The following IMMP2L variants were observed in gnomAD, a reference collection of about 807,000 sequenced individuals.
The protein encoded by IMMP2L is mitochondrial inner membrane protease subunit 2.
In IMMP2L, 18 loss-of-function variants were observed where a neutral mutation model predicts 19.3. The ratio of observed to expected loss-of-function variants is 0.93; its 90% CI spans 0.64 to 1.38. IMMP2L has a LOEUF of 1.38. IMMP2L is among the 40% of genes most tolerant of loss of function. The pLI is 0.00. For synonymous variants in IMMP2L, 76 were observed against 73.0 expected (o/e 1.04, Z -0.21); for missense variants, 233 against 218.2 (o/e 1.07, Z -0.43).
intron 3 of IMMP2L, among the ~76,000 whole-genome samples, chr7:111,278,006 C>T (rs1345939754): frequency 6.6e-6 from 1 of 152,060 alleles, no homozygotes; most frequent in East Asian, 1.9e-4. Flanking sequence ...CATGTTCTCA[C>T]TTATAAGTGG....
At chr7:111,016,731 ATATATATAT>A (rs1825638258) in intron 3 of IMMP2L, among the ~76,000 whole-genome samples, 1 of 98,154 alleles carries the variant, frequency 1.0e-5, no homozygotes, top group South Asian at 2.9e-4. Context: ...TATATATAAA[ATATATATAT>A]TATATATATT....
intron 3 of IMMP2L, among the ~76,000 whole-genome samples, chr7:111,039,331 A>G (rs1438147042): frequency 6.6e-6 from 1 of 152,206 alleles, no homozygotes; most frequent in Admixed American, 6.5e-5. Flanking sequence ...AGGGAGTCAA[A>G]AACATGTTCA....
intron 3 of IMMP2L, among the ~76,000 whole-genome samples, chr7:111,309,159 C>T (rs1823218400): frequency 6.6e-6 from 1 of 152,042 alleles, no homozygotes; most frequent in Non-Finnish European, 1.5e-5. Context: ...AATAAGAAGA[C>T]ATTATTTCAC....
chr7:111,552,281 T>TTTTTG (rs909337162), intron 1 of IMMP2L, among the ~76,000 whole-genome samples: 30 of 152,122 alleles, frequency 2.0e-4, no homozygotes, highest in African/African-American at 7.0e-4. Flanking sequence ...AATAGCATCA[T>TTTTTG]TTTTGTTTTG....
intron 1 of IMMP2L, among the ~76,000 whole-genome samples, chr7:111,537,149 T>C (rs114161392): frequency 0.016 from 2,503 of 152,282 alleles, 66 homozygotes; most frequent in African/African-American, 0.057. Flanking sequence ...TATATAGATA[T>C]TGAACATTAA....
chr7:111,402,421 T>C (rs1045554201), intron 3 of IMMP2L, among the ~76,000 whole-genome samples: 6 of 152,006 alleles, frequency 3.9e-5, no homozygotes, highest in African/African-American at 1.4e-4. Flanking sequence ...TTAAAAGCTT[T>C]CATTTACAGA....
At chr7:111,478,895 C>T (rs1358910286) in intron 3 of IMMP2L, among the ~76,000 whole-genome samples, 1 of 152,112 alleles carries the variant, frequency 6.6e-6, no homozygotes, top group African/African-American at 2.4e-5. Flanking sequence ...ATTATAGAAA[C>T]TCTGCATGAT....
intron 3 of IMMP2L, among the ~76,000 whole-genome samples, chr7:111,402,030 A>G (rs1231063710): frequency 6.6e-6 from 1 of 151,554 alleles, no homozygotes; most frequent in Non-Finnish European, 1.5e-5. Flanking sequence ...GGACTGCTTG[A>G]GCCCAGGAGT....
intron 3 of IMMP2L, among the ~76,000 whole-genome samples, chr7:111,359,116 A>G (rs561604651): frequency 6.6e-6 from 1 of 152,238 alleles, no homozygotes; most frequent in South Asian, 2.1e-4. Context: ...TTGGAAGGCA[A>G]GGTTAACACG....
chr7:111,288,839 C>G (rs1316466682), intron 3 of IMMP2L, among the ~76,000 whole-genome samples: 1 of 152,094 alleles, frequency 6.6e-6, no homozygotes, highest in East Asian at 1.9e-4. Flanking sequence ...ATTAGTTCAA[C>G]TATTGTGGAA....
intron 3 of IMMP2L, among the ~76,000 whole-genome samples, chr7:111,369,763 A>G (rs550282037): frequency 3.6e-4 from 55 of 152,044 alleles, no homozygotes; most frequent in African/African-American, 1.2e-3. Context: ...TGTTCTTCTC[A>G]TAAAAGTTTT....
chr7:110,804,790 G>A (rs1801510840), intron 5 of IMMP2L, among the ~76,000 whole-genome samples: 1 of 152,122 alleles, frequency 6.6e-6, no homozygotes, highest in Non-Finnish European at 1.5e-5. Flanking sequence ...CCATGCTAAT[G>A]AGGACTACTT....
chr7:111,459,126 G>T (rs1839923682), intron 3 of IMMP2L, among the ~76,000 whole-genome samples: 1 of 152,082 alleles, frequency 6.6e-6, no homozygotes, highest in Non-Finnish European at 1.5e-5. Context: ...AATATTCTAT[G>T]AGTAAATATA....
chr7:111,008,082 A>G (rs1479235400), intron 3 of IMMP2L, among the ~76,000 whole-genome samples: 1 of 152,096 alleles, frequency 6.6e-6, no homozygotes, highest in Non-Finnish European at 1.5e-5. Context: ...ATAACCATGT[A>G]TCTTCTACTA....
In IMMP2L at chr7:111,384,235, GAGGAGAAAGGAGAGAGGAGAA is replaced by G. The variant is rs1214212052; in HGVS notation, c.239+102982_239+103002del. Among the ~76,000 whole-genome samples, 1,256 of 141,914 alleles carry G rather than the reference GAGGAGAAAGGAGAGAGGAGAA, an allele frequency of 8.9e-3. 28 individuals carry two copies. Among genetic ancestry groups the G allele is most frequent in the African/African-American group, 0.034 (1,149 of 33,440 alleles). 93.1% of individuals were successfully genotyped at this position (141,914 alleles called of 152,430 possible). A position where few individuals can be genotyped will look rare whatever the true frequency, so the allele number is the denominator to read the frequency against. On this transcript the variant is annotated intron_variant, in intron 3 of 5. Coordinates refer to ENST00000405709, the MANE Select transcript of IMMP2L (RefSeq NM_032549.4). ...GAGAGAGGAGAGAGGAGAAAGGAGAGAGGAGAAAGGAGAGAGGAGAAAGGAGAAAGGAGAGAGGAGAAAGGA... is the reference window on the plus strand; with the variant it reads ...GAGAGAGGAGAGAGGAGAAAGGAGAGAGGAGAAAGGAGAGAGGAGAAAGGA...
At chr7:111,370,912 C>T (rs1830206711) in intron 3 of IMMP2L, among the ~76,000 whole-genome samples, 1 of 151,896 alleles carries the variant, frequency 6.6e-6, no homozygotes, top group African/African-American at 2.4e-5. Flanking sequence ...CATTCCACTT[C>T]CATACCTGGT....
At chr7:111,076,912 T>G (rs1795464446) in intron 3 of IMMP2L, among the ~76,000 whole-genome samples, 1 of 152,198 alleles carries the variant, frequency 6.6e-6, no homozygotes, top group Non-Finnish European at 1.5e-5. Flanking sequence ...TTTACTTTCC[T>G]TCTACTATAT....
At chr7:111,190,416 T>G (rs1456030574) in intron 3 of IMMP2L, among the ~76,000 whole-genome samples, 1 of 152,144 alleles carries the variant, frequency 6.6e-6, no homozygotes, top group Non-Finnish European at 1.5e-5. Context: ...AAATATACTT[T>G]TAGATTTGTC....
chr7:111,282,874 T>G (rs758986463), intron 3 of IMMP2L, among the ~76,000 whole-genome samples: 6 of 152,172 alleles, frequency 3.9e-5, no homozygotes, highest in Non-Finnish European at 7.3e-5. Flanking sequence ...TGAGACACCA[T>G]GGCCTGGCCA....
Sources: allele counts gnomAD v4.1 joint callset (sites outside exome capture counted in the v4.1 genomes callset), GRCh38; gene constraint gnomAD v4.1.1; transcripts MANE v1.5; gene names NCBI Gene and HGNC (gene_info 2026-07-23, HGNC 2026-07-21).